The following SPTA1 variants were observed in gnomAD, a reference collection of about 807,000 sequenced individuals.
SPTA1 encodes spectrin alpha, erythrocytic 1.
SPTA1 carries 177 observed loss-of-function variants against 324.7 expected under a neutral mutation model. The observed-to-expected ratio is 0.55, with a 90% CI of 0.48 to 0.62. The LOEUF is 0.62. Ranked by LOEUF, SPTA1 falls within the 20% of genes least tolerant of loss-of-function variation. The pLI is 0.00. For missense variants in SPTA1, 3,162 were observed against 2,883.6 expected (o/e 1.10, Z -2.21); for synonymous variants, 1,195 against 1,041.3 (o/e 1.15, Z -2.84).
Position 158,662,938 on chromosome 1 carries a change from A to T in SPTA1, c.2228T>A (p.Val743Glu), listed in dbSNP as rs1272834626. 21 of 1,613,998 alleles carry T rather than the reference A, an allele frequency of 1.3e-5. No individual in the cohort carries two copies. Among genetic ancestry groups the T allele is most frequent in the Non-Finnish European group, 1.8e-5 (21 of 1,179,940 alleles). Residue 743 changes from valine to glutamate, a missense_variant, in exon 17 of 52, where the codon GTG (valine) becomes GAG (glutamate). Coordinates refer to ENST00000643759, the MANE Select transcript of SPTA1 (RefSeq NM_003126.4). ...ESAVAARQDQVDILTDLAAYF... is the reference protein window; with the variant it reads ...ESAVAARQDQEDILTDLAAYF... ...TGCAGCCAGGTCTGTAAGGATATCC[A>T]CCTGATCCTAAGGGAGAAATAGAAT...
At position 158,639,871 on chromosome 1, in the gene SPTA1, T is replaced by C; in HGVS notation, c.4874A>G (p.Glu1625Gly). The stretch of plus-strand genomic sequence containing the variant: ...TCTACTGTTTCCGGGTGCAATTACC[T>C]CTGAGAGCCAGAACTCAAAGTCCCG... Reference protein sequence around the residue: ...SIRDFEFWLSEAETLLAMKDQ... With the variant: ...SIRDFEFWLSGAETLLAMKDQ... Residue 1625 changes from glutamate to glycine, a missense_variant and splice_region_variant, in exon 34 of 52, where the codon GAG (glutamate) becomes GGG (glycine). Physicochemically the swap from Glu to Gly is moderately conservative, Grantham distance 98 (BLOSUM62 -2). Transcript: ENST00000643759. 6.2e-7 allele frequency: 1 copy of C among 1,613,990 alleles called. No homozygotes were observed. Among genetic ancestry groups the C allele is most frequent in the Non-Finnish European group, 8.5e-7 (1 of 1,179,934 alleles).
intron 5 of SPTA1, among the ~76,000 whole-genome samples, chr1:158,678,974 T>A (rs777501178): frequency 2.8e-4 from 42 of 152,172 alleles, no homozygotes; most frequent in Non-Finnish European, 5.4e-4. Flanking sequence ...ATAAAAGCTA[T>A]TTTTCTCTTC....
chr1:158,650,658 C>A (rs1183698417), intron 24 of SPTA1, among the ~76,000 whole-genome samples: 1 of 152,136 alleles, frequency 6.6e-6, no homozygotes, highest in Non-Finnish European at 1.5e-5. Flanking sequence ...TCTGCATTGT[C>A]TTTGAATTCA....
chr1:158,677,735 G>A lies in SPTA1; in HGVS notation c.912C>T (p.His304=). ...GATTTCTCTCAAGTCCCTTGTGACT[G>A]TGAAACAGTCCTTCAGAGGCAACAA... ...KDLVASEGLF[H]SHKGLERNLA... Residue 304 remains histidine, a synonymous_variant, in exon 7 of 52, where the codon CAC becomes CAT. Coordinates refer to ENST00000643759, the MANE Select transcript of SPTA1 (RefSeq NM_003126.4). 1.2e-6 allele frequency: 2 copies of A among 1,613,662 alleles called. No homozygotes were observed. Among genetic ancestry groups the A allele is most frequent in the East Asian group, 2.2e-5 (1 of 44,862 alleles).
chr1:158,670,454 C>T lies in SPTA1; in HGVS notation c.1600-668G>A, dbSNP rs145098262. Among the ~76,000 whole-genome samples, 292 of 152,322 alleles carry T rather than the reference C, an allele frequency of 1.9e-3. 2 individuals carry two copies. The highest frequency in any genetic ancestry group is 6.8e-3 in the African/African-American group (282 of 41,586). On this transcript the variant is annotated intron_variant, in intron 12 of 51. Transcript: ENST00000643759. ...GACACACATATCAATTAATGAGGGA[C>T]TTGATATTAATTGGACTTCCACCTC... is the stretch of plus-strand genomic sequence containing the variant.
intron 47 of SPTA1, 121 bp downstream of exon 47, chr1:158,617,416 G>T: frequency 2.5e-6 from 2 of 791,040 alleles, no homozygotes; most frequent in South Asian, 2.9e-5. Flanking sequence ...ATGGCCTATG[G>T]TTAAAATGGA....
At chr1:158,677,949 T>G in intron 6 of SPTA1, 115 bp from the exon 7 acceptor site, 1 of 1,283,176 alleles carries the variant, frequency 7.8e-7, no homozygotes, top group Non-Finnish European at 1.1e-6. Context: ...AATTATCCTT[T>G]CTTCCTACAT....
rs55832242 is a variant in SPTA1, at chr1:158,611,131, GCACACACACACACACA to G, written c.*117_*132del. On this transcript the variant is annotated 3_prime_UTR_variant, in exon 52 of 52. Coordinates refer to ENST00000643759, the MANE Select transcript of SPTA1 (RefSeq NM_003126.4). Reference sequence around the variant, plus strand: ...AAATGTAATATGCACACAAACACAAGCACACACACACACACACACACACACACACACACACGAGGCC... The same window carrying G: ...AAATGTAATATGCACACAAACACAAGCACACACACACACACACACGAGGCC... The G allele has an allele frequency of 3.4e-5, 23 of 671,324 alleles. No individual in the cohort carries two copies. Among genetic ancestry groups the G allele is most frequent in the Non-Finnish European group, 5.6e-5 (22 of 393,212 alleles). 41.6% of individuals were successfully genotyped at this position (671,324 alleles called of 1,614,324 possible).
intron 42 of SPTA1, among the ~76,000 whole-genome samples, chr1:158,624,337 C>T (rs753233522): frequency 5.9e-5 from 9 of 152,146 alleles, no homozygotes; most frequent in Non-Finnish European, 1.0e-4. Flanking sequence ...ATGAAAGCAC[C>T]TAGGAGGGAG....
intron 14 of SPTA1, among the ~76,000 whole-genome samples, chr1:158,668,822 C>T (rs1248735904): frequency 6.6e-6 from 1 of 152,154 alleles, no homozygotes; most frequent in African/African-American, 2.4e-5. Flanking sequence ...CCCAGGTTTA[C>T]CTGCTCCAGA....
At chr1:158,647,943 G>A (rs1338784993) in intron 26 of SPTA1, among the ~76,000 whole-genome samples, 1 of 152,112 alleles carries the variant, frequency 6.6e-6, no homozygotes, top group African/African-American at 2.4e-5. Context: ...AGAGAGTTGT[G>A]GGGAAGAGTG....
intron 18 of SPTA1, among the ~76,000 whole-genome samples, chr1:158,659,381 T>G (rs1653040333): frequency 6.6e-6 from 1 of 151,916 alleles, no homozygotes; most frequent in Non-Finnish European, 1.5e-5. Flanking sequence ...TAAAAATTAT[T>G]AAGAATGCAA....
rs543059844 is a variant in SPTA1 at position 158,669,929 on chromosome 1, G to T, written c.1600-143C>A. 8.2e-5 allele frequency: 64 copies of T among 775,922 alleles called. 1 individual carries two copies. The Admixed American group carries it at 1.2e-3, about 15-fold the overall frequency. The allele number at this position is 775,922 out of a possible 1,614,324, so 48.1% of individuals were successfully genotyped here. The stretch of plus-strand genomic sequence containing the variant: ...GCCAGCAGATGTAAGTCCTTATTCA[G>T]GTTTCTGTTATAAATTGTATTTCAA... On this transcript the variant is annotated intron_variant, in intron 12 of 51. Transcript: ENST00000643759.
At chr1:158,656,983 T>A (rs1652876895) in intron 19 of SPTA1, among the ~76,000 whole-genome samples, 1 of 152,182 alleles carries the variant, frequency 6.6e-6, no homozygotes, top group African/African-American at 2.4e-5. Flanking sequence ...TGCATACCAA[T>A]AATTTCTAGT....
chr1:158,670,996 A>AT (rs1653982383), intron 12 of SPTA1, among the ~76,000 whole-genome samples: 1 of 152,144 alleles, frequency 6.6e-6, no homozygotes, highest in Non-Finnish European at 1.5e-5. Context: ...AGAAAAAAAA[A>AT]ACATGGCTAC....
In SPTA1 at chr1:158,653,173, T is replaced by C. The variant is rs1001289870; in HGVS notation, c.3188+101A>G. 4 of 1,512,698 alleles carry C rather than the reference T, an allele frequency of 2.6e-6. No homozygotes were observed. In the East Asian group the frequency reaches 9.0e-5, roughly 34 times the overall value. 93.7% of individuals were successfully genotyped at this position (1,512,698 alleles called of 1,614,324 possible). ...ATTCTTAAAATCTTCAGATTTTCTG[T>C]GGCATCTCAAATCTAACAGATGCAG... is the stretch of plus-strand genomic sequence containing the variant. On this transcript the variant is annotated intron_variant, in intron 22 of 51. Coordinates refer to ENST00000643759, the MANE Select transcript of SPTA1 (RefSeq NM_003126.4).
chr1:158,613,995 G>A, intron 49 of SPTA1, 128 bp from the exon 50 acceptor site: 1 of 1,083,630 alleles, frequency 9.2e-7, no homozygotes, highest in East Asian at 2.6e-5. Flanking sequence ...TCAGAGGACT[G>A]AATACAAAGC....
chr1:158,638,623 G>A (rs1432839377), intron 35 of SPTA1, among the ~76,000 whole-genome samples: 1 of 151,554 alleles, frequency 6.6e-6, no homozygotes, highest in Non-Finnish European at 1.5e-5. Context: ...CAAGACCACT[G>A]TGGCCAACAT....
intron 39 of SPTA1, among the ~76,000 whole-genome samples, chr1:158,630,984 C>A (rs771905099): frequency 6.6e-6 from 1 of 151,942 alleles, no homozygotes; most frequent in East Asian, 1.9e-4. Context: ...TAATAGATAT[C>A]GGTGTGGATG....
Sources: allele counts gnomAD v4.1 joint callset (sites outside exome capture counted in the v4.1 genomes callset), GRCh38; gene constraint gnomAD v4.1.1; transcripts MANE v1.5; gene names NCBI Gene and HGNC (gene_info 2026-07-23, HGNC 2026-07-21).